NCAPD3: variants seen among roughly 807,000 people sequenced by gnomAD.
NCAPD3 encodes non-SMC condensin II complex subunit D3.
A neutral mutation model predicts 182.9 loss-of-function variants in NCAPD3; 105 were observed. The observed-to-expected ratio is 0.57, with a 90% CI of 0.49 to 0.68. The LOEUF is 0.68. NCAPD3 is among the 30% of genes least tolerant of loss of function. The probability of loss-of-function intolerance (pLI) is 0.00; values close to 1 mark genes in which losing one functional copy is unlikely to be tolerated. For synonymous variants in NCAPD3, 815 were observed against 679.9 expected (o/e 1.20, Z -3.09); for missense variants, 1,944 against 1,837.0 (o/e 1.06, Z -1.07).
At position 134,208,727 on chromosome 11, in the gene NCAPD3, G is replaced by A; in HGVS notation, c.882+137C>T. On this transcript the variant is annotated intron_variant, in intron 7 of 34. Coordinates refer to ENST00000534548, the MANE Select transcript of NCAPD3 (RefSeq NM_015261.3). ...TAGAAATAGTGATACTTTTTATTAT[G>A]CAAATAATATAAGGTCATGAAAATG... The A allele has an allele frequency of 1.2e-5, 8 of 649,500 alleles. No homozygotes were observed. In the South Asian group the frequency reaches 1.5e-4, roughly 12 times the overall value. The allele number at this position is 649,500 out of a possible 1,614,324, so 40.2% of individuals were successfully genotyped here. A position where few individuals can be genotyped will look rare whatever the true frequency, so the allele number is the denominator to read the frequency against.
chr11:134,205,986 G>A (rs935380195), intron 8 of NCAPD3, among the ~76,000 whole-genome samples: 6 of 152,000 alleles, frequency 3.9e-5, no homozygotes, highest in Admixed American at 6.6e-5. Flanking sequence ...CACACTGCAC[G>A]CCAAAAATCA....
intron 4 of NCAPD3, 56 bp from the exon 5 acceptor site, chr11:134,209,533 A>G: frequency 6.6e-7 from 1 of 1,516,234 alleles, no homozygotes; most frequent in South Asian, 1.2e-5. Context: ...ACTTTGTCCC[A>G]TGGTTTTCAA....
chr11:134,199,598 C>T (rs1944706322), intron 13 of NCAPD3, among the ~76,000 whole-genome samples: 3 of 152,140 alleles, frequency 2.0e-5, no homozygotes, highest in Admixed American at 1.3e-4. Context: ...CGTCAGCCAC[C>T]CCATCAAAAG....
At chr11:134,214,158 C>G (rs1394657043) in intron 3 of NCAPD3, among the ~76,000 whole-genome samples, 1 of 149,870 alleles carries the variant, frequency 6.7e-6, no homozygotes, top group African/African-American at 2.5e-5. Flanking sequence ...CCAAATTAGA[C>G]TCTAAGTCCA....
intron 32 of NCAPD3, among the ~76,000 whole-genome samples, chr11:134,154,637 T>TCGCCCCTCCTGGGTGGTGCC (rs1943368478): frequency 9.3e-6 from 1 of 107,830 alleles, no homozygotes; most frequent in African/African-American, 3.8e-5. Context: ...TGGGTGGTGC[T>TCGCCCCTCCTGGGTGGTGCC]GTACCCAGTG....
At chr11:134,215,547 A>G (rs1033255017) in intron 3 of NCAPD3, among the ~76,000 whole-genome samples, 3 of 152,226 alleles carry the variant, frequency 2.0e-5, no homozygotes, top group African/African-American at 7.2e-5. Flanking sequence ...TTTCATTTAC[A>G]CTAGCATTGA....
intron 11 of NCAPD3, 26 bp downstream of exon 11, chr11:134,203,628 A>C (rs1163260217): frequency 6.2e-7 from 1 of 1,602,712 alleles, no homozygotes; most frequent in Admixed American, 1.7e-5. Flanking sequence ...AGACCGGTTT[A>C]CTGTCCCAAT....
chr11:134,217,718 T>C (rs1938078834), intron 2 of NCAPD3, among the ~76,000 whole-genome samples: 2 of 152,160 alleles, frequency 1.3e-5, no homozygotes, highest in Non-Finnish European at 1.5e-5. Context: ...CTAAATATGG[T>C]TTATCCTTGA....
In NCAPD3 at chr11:134,157,927, C is replaced by A. The variant is rs1319843949; in HGVS notation, c.4174+1G>T. Reference sequence around the variant, plus strand: ...TGTCTGGCACCAAACATAAGGCTTACCCTGACTGCACGTTTTTTCTGGGCT... The same window carrying A: ...TGTCTGGCACCAAACATAAGGCTTAACCTGACTGCACGTTTTTTCTGGGCT... On this transcript the variant is annotated splice_donor_variant, in intron 31 of 34. Transcript: ENST00000534548. LOFTEE classifies it high-confidence loss of function. 1.2e-6 allele frequency: 2 copies of A among 1,613,062 alleles called. No individual in the cohort carries two copies. The highest frequency in any genetic ancestry group is 1.1e-5 in the South Asian group (1 of 90,856).
intron 24 of NCAPD3, chr11:134,172,976 CAAAAA>C (rs55712707): frequency 1.4e-4 from 10 of 72,646 alleles, no homozygotes; most frequent in South Asian, 6.1e-4. Context: ...GACCCTGTCT[CAAAAA>C]AAAAAAAAAA....
In NCAPD3 at chr11:134,202,381, G is replaced by A. The variant is rs191833540; in HGVS notation, c.1615+435C>T. Among the ~76,000 whole-genome samples, 22 of 152,226 alleles carry A rather than the reference G, an allele frequency of 1.4e-4. No individual in the cohort carries two copies. The East Asian group carries it at 4.3e-3, about 29-fold the overall frequency. ...ACAAAAAAGCAGACTGCCCTGCAGT[G>A]TTATTTTCATTTTTTAATTTTTTAA... On this transcript the variant is annotated intron_variant, in intron 13 of 34. Transcript: ENST00000534548.
At chr11:134,199,823 T>C (rs1944712413) in intron 13 of NCAPD3, among the ~76,000 whole-genome samples, 1 of 152,012 alleles carries the variant, frequency 6.6e-6, no homozygotes, top group African/African-American at 2.4e-5. Context: ...TTATTTCCCC[T>C]CTCCTACGCT....
chr11:134,185,063 C>A (rs1428903949), intron 17 of NCAPD3, 63 bp from the exon 18 acceptor site: 4 of 1,304,734 alleles, frequency 3.1e-6, no homozygotes, highest in African/African-American at 1.5e-5. Flanking sequence ...CCAACAAAGG[C>A]CTTTCTTCTG....
At chr11:134,159,534 G>A (rs181136476) in intron 29 of NCAPD3, among the ~76,000 whole-genome samples, 142 of 152,318 alleles carry the variant, frequency 9.3e-4, no homozygotes, top group African/African-American at 3.2e-3. Flanking sequence ...TCCTCAGGAC[G>A]GTGAGCAACA....
chr11:134,203,015 C>A, intron 12 of NCAPD3, 110 bp from the exon 13 acceptor site: 1 of 1,168,358 alleles, frequency 8.6e-7, no homozygotes, highest in South Asian at 1.5e-5. Flanking sequence ...AAATGAATTT[C>A]AACCTCTCTC....
chr11:134,181,226 C>G (rs1944289700), intron 19 of NCAPD3, 42 bp from the exon 20 acceptor site: 3 of 1,302,002 alleles, frequency 2.3e-6, no homozygotes, highest in Non-Finnish European at 3.3e-6. Flanking sequence ...CCCCGCACAT[C>G]TCCCAGACTA....
chr11:134,170,620 A>T (rs1207302877), intron 24 of NCAPD3, among the ~76,000 whole-genome samples: 1 of 152,266 alleles, frequency 6.6e-6, no homozygotes, highest in Non-Finnish European at 1.5e-5. Flanking sequence ...GTTCCCTCTG[A>T]GTTTGGACTT....
In NCAPD3 at chr11:134,192,705, C is replaced by T. The variant is rs369901277; in HGVS notation, c.2029G>A (p.Glu677Lys). 102 of 1,613,878 alleles carry T rather than the reference C, an allele frequency of 6.3e-5. No homozygotes were observed. The highest frequency in any genetic ancestry group is 6.8e-5 in the Non-Finnish European group (80 of 1,179,882). Residue 677 changes from glutamate to lysine, a missense_variant, in exon 16 of 35, where the codon GAA (glutamate) becomes AAA (lysine). By Grantham distance (56) the Glu-to-Lys change is moderately conservative (BLOSUM62 1). Coordinates refer to ENST00000534548, the MANE Select transcript of NCAPD3 (RefSeq NM_015261.3). ...TTAACCTACCTCAGTTCCTGGCTTT[C>T]GGTGGTGAGGAGAGTAAGAAGCGCC... is the stretch of plus-strand genomic sequence containing the variant. Reference protein sequence around the residue: ...AWALLTLLTTESQELSRYLNK... With the variant: ...AWALLTLLTTKSQELSRYLNK...
chr11:134,167,675 A>G (rs1260670841), intron 27 of NCAPD3, among the ~76,000 whole-genome samples: 2 of 120,102 alleles, frequency 1.7e-5, no homozygotes, highest in Non-Finnish European at 3.3e-5. Context: ...CACTTGTGAG[A>G]TGAGCTTGGG....
Sources: gnomAD v4.1 joint callset for allele counts (sites outside exome capture counted in the v4.1 genomes callset) on GRCh38, gnomAD v4.1.1 for gene constraint, MANE v1.5 for transcripts, NCBI Gene and HGNC (gene_info 2026-07-23, HGNC 2026-07-21) for gene names.